Variants in KCND3 observed in about 807,000 individuals in gnomAD.
KCND3 encodes A-type voltage-gated potassium channel KCND3.
Under a neutral mutation model 51.1 loss-of-function variants are expected in KCND3, and 9 were observed. The ratio of observed to expected loss-of-function variants is 0.18; its 90% CI spans 0.11 to 0.31. The LOEUF (loss-of-function observed/expected upper bound fraction) is 0.31, where lower values mean the gene tolerates loss of function less well. KCND3 is among the 10% of genes least tolerant of loss of function. The pLI is 1.00. For synonymous variants in KCND3, 349 were observed against 368.0 expected (o/e 0.95, Z 0.59); for missense variants, 526 against 903.8 (o/e 0.58, Z 5.36).
chr1:111,986,820 C>T (rs1675312503), intron 1 of KCND3, among the ~76,000 whole-genome samples: 1 of 152,122 alleles, frequency 6.6e-6, no homozygotes, highest in African/African-American at 2.4e-5. Flanking sequence ...TCTGGGAATT[C>T]CTGCTGAGGC....
At chr1:111,974,991 TC>T (rs1674548014) in intron 2 of KCND3, among the ~76,000 whole-genome samples, 3 of 152,240 alleles carry the variant, frequency 2.0e-5, no homozygotes, top group Non-Finnish European at 4.4e-5. Flanking sequence ...ATCTTTCCCT[TC>T]TCTGCAGCCT....
intron 2 of KCND3, among the ~76,000 whole-genome samples, chr1:111,924,498 A>C (rs1400282012): frequency 1.3e-5 from 2 of 152,168 alleles, no homozygotes; most frequent in Non-Finnish European, 2.9e-5. Flanking sequence ...TGTGTAGGAG[A>C]CCAAGCCACA....
chr1:111,809,361 T>C (rs1450054120), intron 2 of KCND3, among the ~76,000 whole-genome samples: 1 of 151,408 alleles, frequency 6.6e-6, no homozygotes, highest in Non-Finnish European at 1.5e-5. Context: ...CAGGCTGGAG[T>C]TCAGTGGCGC....
intron 2 of KCND3, among the ~76,000 whole-genome samples, chr1:111,906,022 G>A (rs1403458429): frequency 6.6e-6 from 1 of 152,224 alleles, no homozygotes; most frequent in African/African-American, 2.4e-5. Flanking sequence ...AGAACCCAAT[G>A]TTTTGACTTT....
chr1:111,851,257 G>A (rs186843885), intron 2 of KCND3, among the ~76,000 whole-genome samples: 208 of 152,212 alleles, frequency 1.4e-3, no homozygotes, highest in African/African-American at 2.4e-3. Flanking sequence ...TTGTTTGTCC[G>A]TCTTTCCTCT....
At chr1:111,828,567 A>G (rs114328890) in intron 2 of KCND3, among the ~76,000 whole-genome samples, 2,211 of 152,242 alleles carry the variant, frequency 0.015, 49 homozygotes, top group African/African-American at 0.049. Flanking sequence ...ATTTCACTCA[A>G]GAAGGCTCAG....
chr1:111,797,661 G>T (rs370539041), intron 2 of KCND3, among the ~76,000 whole-genome samples: 3 of 152,200 alleles, frequency 2.0e-5, no homozygotes, highest in African/African-American at 7.2e-5. Flanking sequence ...CTGGAGGGTG[G>T]TCAGAGGATC....
At chr1:111,939,496 C>T (rs951174889) in intron 2 of KCND3, among the ~76,000 whole-genome samples, 2 of 151,826 alleles carry the variant, frequency 1.3e-5, no homozygotes, top group South Asian at 4.2e-4. Flanking sequence ...TTTCTGTTCC[C>T]GTGTTTGCTG....
At chr1:111,894,231 C>T (rs1254744536) in intron 2 of KCND3, among the ~76,000 whole-genome samples, 1 of 152,152 alleles carries the variant, frequency 6.6e-6, no homozygotes, top group African/African-American at 2.4e-5. Context: ...GGCCTCCCTC[C>T]TTCTCTCAAA....
chr1:111,913,962 A>G (rs1671078644), intron 2 of KCND3, among the ~76,000 whole-genome samples: 1 of 151,186 alleles, frequency 6.6e-6, no homozygotes, highest in African/African-American at 2.5e-5. Flanking sequence ...GATAACTAAT[A>G]AGCAGGAGAA....
At chr1:111,893,262 A>G (rs1558003470) in intron 2 of KCND3, among the ~76,000 whole-genome samples, 1 of 152,238 alleles carries the variant, frequency 6.6e-6, no homozygotes, top group Non-Finnish European at 1.5e-5. Flanking sequence ...GGCTGGGCAG[A>G]CAGCTGAGAG....
intron 2 of KCND3, among the ~76,000 whole-genome samples, chr1:111,835,114 G>A (rs1182536037): frequency 2.0e-5 from 3 of 152,174 alleles, no homozygotes; most frequent in East Asian, 1.9e-4. Context: ...TTGAGGCAGC[G>A]CTGGGGGCCA....
At chr1:111,943,948 G>A (rs1395836468) in intron 2 of KCND3, among the ~76,000 whole-genome samples, 1 of 152,214 alleles carries the variant, frequency 6.6e-6, no homozygotes, top group East Asian at 1.9e-4. Context: ...GCCGCACACT[G>A]ATTACCTTTT....
chr1:111,781,004 C>T (rs1477304328), intron 3 of KCND3, among the ~76,000 whole-genome samples: 4 of 152,200 alleles, frequency 2.6e-5, no homozygotes, highest in East Asian at 3.8e-4. Flanking sequence ...CTCTCCAGCC[C>T]GGGTATAATC....
chr1:111,788,730 A>G (rs975608248), intron 2 of KCND3, among the ~76,000 whole-genome samples: 1 of 152,214 alleles, frequency 6.6e-6, no homozygotes, highest in African/African-American at 2.4e-5. Flanking sequence ...GGTTGAGAAC[A>G]TGGATTCTGA....
At chr1:111,892,794 G>A (rs1669890592) in intron 2 of KCND3, among the ~76,000 whole-genome samples, 1 of 152,220 alleles carries the variant, frequency 6.6e-6, no homozygotes, top group Admixed American at 6.5e-5. Flanking sequence ...GAGACTGAAT[G>A]ATAACTATCT....
intron 2 of KCND3, among the ~76,000 whole-genome samples, chr1:111,948,057 T>A (rs896295895): frequency 1.3e-5 from 2 of 152,142 alleles, no homozygotes; most frequent in Non-Finnish European, 2.9e-5. Flanking sequence ...CATGAATACC[T>A]AGTGAGTTCC....
chr1:111,919,007 T>A (rs544532738), intron 2 of KCND3, among the ~76,000 whole-genome samples: 1 of 151,834 alleles, frequency 6.6e-6, no homozygotes, highest in South Asian at 2.1e-4. Context: ...CAAAATCACA[T>A]GAGAGGACCT....
At chr1:111,979,580 G>A (rs961451313) in intron 2 of KCND3, among the ~76,000 whole-genome samples, 2 of 152,148 alleles carry the variant, frequency 1.3e-5, no homozygotes, top group Admixed American at 1.3e-4. Context: ...ATGAGTAGTA[G>A]GGTGAAAGGA....
Sources: gnomAD v4.1 joint callset for allele counts (sites outside exome capture counted in the v4.1 genomes callset) on GRCh38, gnomAD v4.1.1 for gene constraint, MANE v1.5 for transcripts, NCBI Gene and HGNC (gene_info 2026-07-23, HGNC 2026-07-21) for gene names.